Variants in GFRA1 observed in about 807,000 individuals in gnomAD.
GFRA1 encodes GDNF family receptor alpha-1.
In GFRA1, 16 loss-of-function variants were observed where a neutral mutation model predicts 51.6. That is an observed-to-expected ratio of 0.31 (90% CI 0.21 to 0.47). The LOEUF is 0.47. Ranked by LOEUF, GFRA1 falls within the 20% of genes least tolerant of loss-of-function variation. The pLI is 1.00. For missense variants in GFRA1, 530 were observed against 594.3 expected, an observed-to-expected ratio of 0.89 and a Z score of 1.13; for synonymous variants, 270 against 241.3, an observed-to-expected ratio of 1.12 and a Z score of -1.10.
At chr10:116,133,938 T>A (rs1958211049) in intron 5 of GFRA1, among the ~76,000 whole-genome samples, 1 of 152,208 alleles carries the variant, frequency 6.6e-6, no homozygotes, top group South Asian at 2.1e-4. Flanking sequence ...CTGTCCCAAG[T>A]AAGAGGCTAT....
chr10:116,086,147 C>G (rs558671748), intron 9 of GFRA1, among the ~76,000 whole-genome samples: 1 of 152,304 alleles, frequency 6.6e-6, no homozygotes, highest in South Asian at 2.1e-4. Context: ...TCTGCCACAC[C>G]TGAGTCATGG....
intron 5 of GFRA1, among the ~76,000 whole-genome samples, chr10:116,158,246 G>A (rs531304123): frequency 1.1e-4 from 16 of 152,304 alleles, no homozygotes; most frequent in South Asian, 4.1e-4. Context: ...GCAATTTAGC[G>A]AGAGAATCAC....
intron 5 of GFRA1, among the ~76,000 whole-genome samples, chr10:116,186,839 C>A (rs1483290285): frequency 1.3e-5 from 2 of 152,156 alleles, no homozygotes; most frequent in Non-Finnish European, 2.9e-5. Flanking sequence ...ACAATTTTCA[C>A]TGCAATTCAT....
At chr10:116,153,240 G>A (rs1177287766) in intron 5 of GFRA1, among the ~76,000 whole-genome samples, 1 of 152,228 alleles carries the variant, frequency 6.6e-6, no homozygotes, top group Non-Finnish European at 1.5e-5. Context: ...TGCAGAGACA[G>A]AATGAGCTAC....
At chr10:116,193,074 A>G (rs1250882958) in intron 5 of GFRA1, among the ~76,000 whole-genome samples, 1 of 152,150 alleles carries the variant, frequency 6.6e-6, no homozygotes, top group African/African-American at 2.4e-5. Flanking sequence ...GGGAAACTGT[A>G]TTTGTCAGGC....
chr10:116,167,815 T>C (rs756179440), intron 5 of GFRA1, among the ~76,000 whole-genome samples: 1 of 152,172 alleles, frequency 6.6e-6, no homozygotes, highest in Non-Finnish European at 1.5e-5. Flanking sequence ...TTTACATCCA[T>C]GATCCTCAAA....
At chr10:116,073,773 C>A (rs990891233) in intron 9 of GFRA1, among the ~76,000 whole-genome samples, 2 of 152,066 alleles carry the variant, frequency 1.3e-5, no homozygotes, top group Non-Finnish European at 2.9e-5. Context: ...ATTTATTAAG[C>A]CTCTCATTCT....
At chr10:116,194,065 TTAA>T (rs200279662) in intron 5 of GFRA1, among the ~76,000 whole-genome samples, 14,690 of 83,188 alleles carry the variant, frequency 0.18, 991 homozygotes, top group Middle Eastern at 0.24. Context: ...TAAATAAAAT[TTAA>T]AAAAAAAAAA....
At chr10:116,239,942 G>A (rs1292917498) in intron 4 of GFRA1, among the ~76,000 whole-genome samples, 1 of 152,056 alleles carries the variant, frequency 6.6e-6, no homozygotes, top group African/African-American at 2.4e-5. Flanking sequence ...ACCAGTGGAG[G>A]TTCATCAGAC....
intron 9 of GFRA1, among the ~76,000 whole-genome samples, chr10:116,081,130 T>C (rs1187611901): frequency 6.6e-6 from 1 of 152,150 alleles, no homozygotes; most frequent in Non-Finnish European, 1.5e-5. Flanking sequence ...TCCAGTGAAA[T>C]GAACTTGAGG....
At chr10:116,262,795 C>G (rs1969389297) in intron 4 of GFRA1, among the ~76,000 whole-genome samples, 1 of 152,128 alleles carries the variant, frequency 6.6e-6, no homozygotes, top group Non-Finnish European at 1.5e-5. Flanking sequence ...GAAGCATCTC[C>G]TAGGTTTAAG....
chr10:116,105,028 A>G (rs1228457508), intron 6 of GFRA1, among the ~76,000 whole-genome samples: 1 of 152,198 alleles, frequency 6.6e-6, no homozygotes, highest in Non-Finnish European at 1.5e-5. Context: ...AAATCAAATA[A>G]AATTGTTTTA....
chr10:116,164,113 C>T (rs899628483), intron 5 of GFRA1, among the ~76,000 whole-genome samples: 4 of 152,098 alleles, frequency 2.6e-5, no homozygotes, highest in African/African-American at 7.2e-5. Context: ...TCCAATGTCG[C>T]ACAGGCCCTG....
intron 5 of GFRA1, among the ~76,000 whole-genome samples, chr10:116,186,273 C>A (rs1962708213): frequency 6.6e-6 from 1 of 152,160 alleles, no homozygotes; most frequent in Non-Finnish European, 1.5e-5. Flanking sequence ...ACAACCTTGC[C>A]TTTTCCAAAC....
chr10:116,174,568 C>A (rs547898366), intron 5 of GFRA1, among the ~76,000 whole-genome samples: 1 of 152,272 alleles, frequency 6.6e-6, no homozygotes, highest in South Asian at 2.1e-4. Context: ...AATCAGAATT[C>A]TCACACTAAT....
intron 5 of GFRA1, among the ~76,000 whole-genome samples, chr10:116,147,798 TA>T (rs1278933185): frequency 6.6e-6 from 1 of 152,032 alleles, no homozygotes; most frequent in Non-Finnish European, 1.5e-5. Flanking sequence ...GGTCTCAGGT[TA>T]AAAATAGACC....
intron 6 of GFRA1, 78 bp from the exon 7 acceptor site, chr10:116,096,842 T>C: frequency 8.9e-6 from 7 of 785,210 alleles, no homozygotes; most frequent in Non-Finnish European, 1.3e-5. Flanking sequence ...ATGTTTTCTT[T>C]ATTCCTTTGT....
At chr10:116,088,539 C>T (rs1158981008) in intron 9 of GFRA1, among the ~76,000 whole-genome samples, 1 of 152,080 alleles carries the variant, frequency 6.6e-6, no homozygotes, top group African/African-American at 2.4e-5. Context: ...TCTGAGCCCC[C>T]GTGTCCTCAA....
chr10:116,117,985 C>T (rs898107311), intron 6 of GFRA1, among the ~76,000 whole-genome samples: 3 of 152,150 alleles, frequency 2.0e-5, no homozygotes, highest in African/African-American at 7.2e-5. Flanking sequence ...CCACCACACA[C>T]CTGGTGCTCC....
Sources: gnomAD v4.1 joint callset for allele counts (sites outside exome capture counted in the v4.1 genomes callset) on GRCh38, gnomAD v4.1.1 for gene constraint, MANE v1.5 for transcripts, NCBI Gene and HGNC (gene_info 2026-07-23, HGNC 2026-07-21) for gene names.